CSMD1: variants seen among roughly 807,000 people sequenced by gnomAD.
CSMD1 encodes CUB and sushi domain-containing protein 1.
Under a neutral mutation model 417.5 loss-of-function variants are expected in CSMD1, and 213 were observed. The observed-to-expected ratio is 0.51, with a 90% CI of 0.46 to 0.57. The LOEUF is 0.57. Ranked by LOEUF, CSMD1 falls within the 20% of genes least tolerant of loss-of-function variation. The pLI is 0.00. For missense variants in CSMD1, 6,923 were observed against 4,529.7 expected, an observed-to-expected ratio of 1.53 and a Z score of -15.17; for synonymous variants, 2,862 against 1,736.8, an observed-to-expected ratio of 1.65 and a Z score of -16.11.
At chr8:3,438,119 G>C (rs1237740589) in intron 12 of CSMD1, among the ~76,000 whole-genome samples, 1 of 152,142 alleles carries the variant, frequency 6.6e-6, no homozygotes, top group Non-Finnish European at 1.5e-5. Flanking sequence ...TGAATATTCA[G>C]GTCCATCTGT....
intron 5 of CSMD1, among the ~76,000 whole-genome samples, chr8:3,772,033 G>C (rs966904592): frequency 1.3e-5 from 2 of 151,776 alleles, no homozygotes; most frequent in African/African-American, 2.4e-5. Flanking sequence ...ATCTAAAGAG[G>C]AGCTTCTAGT....
intron 5 of CSMD1, among the ~76,000 whole-genome samples, chr8:3,852,385 G>C (rs1585091924): frequency 6.6e-6 from 1 of 152,142 alleles, no homozygotes; most frequent in East Asian, 1.9e-4. Context: ...TCCCAGCCAA[G>C]TGGATGAGCA....
intron 5 of CSMD1, among the ~76,000 whole-genome samples, chr8:3,925,330 T>C (rs905593924): frequency 6.6e-6 from 1 of 152,240 alleles, no homozygotes; most frequent in Non-Finnish European, 1.5e-5. Flanking sequence ...TGCATTTATA[T>C]ATTATATGCT....
At chr8:4,757,864 C>T (rs10088354) in intron 1 of CSMD1, among the ~76,000 whole-genome samples, 1 of 147,452 alleles carries the variant, frequency 6.8e-6, no homozygotes, top group East Asian at 2.0e-4. Context: ...GAAGCTGAGG[C>T]AGAAGAATCG....
chr8:4,664,366 C>T (rs1001183300), intron 1 of CSMD1, among the ~76,000 whole-genome samples: 2 of 152,050 alleles, frequency 1.3e-5, no homozygotes, highest in Non-Finnish European at 2.9e-5. Context: ...TCTAGACCAG[C>T]CTGGGCAACA....
chr8:4,801,189 C>A (rs1798264437), intron 1 of CSMD1, among the ~76,000 whole-genome samples: 1 of 152,204 alleles, frequency 6.6e-6, no homozygotes. Flanking sequence ...TGCCCTTTTC[C>A]TACTTCTGGT....
intron 3 of CSMD1, among the ~76,000 whole-genome samples, chr8:4,111,128 G>A (rs947011613): frequency 6.6e-6 from 1 of 152,044 alleles, no homozygotes; most frequent in African/African-American, 2.4e-5. Context: ...GTTTTGCTCT[G>A]GTTTGGTTCG....
chr8:4,780,137 T>C lies in CSMD1; in HGVS notation c.86-142579A>G, dbSNP rs115794529. 6.6e-3 allele frequency among the ~76,000 whole-genome samples: 1,011 copies of C among 152,306 alleles called. 9 individuals carry two copies. The highest frequency in any genetic ancestry group is 0.024 in the African/African-American group (980 of 41,568). ...GCAACATTTACTACAGTCACAGACT[T>C]GTGCCATAATTGGCCAGACCTTCAG... On this transcript the variant is annotated intron_variant, in intron 1 of 69. Coordinates refer to ENST00000635120, the MANE Select transcript of CSMD1 (RefSeq NM_033225.6).
At chr8:4,392,835 G>T (rs1803941559) in intron 3 of CSMD1, among the ~76,000 whole-genome samples, 3 of 151,786 alleles carry the variant, frequency 2.0e-5, no homozygotes, top group Admixed American at 6.6e-5. Flanking sequence ...GGGTGTGGTG[G>T]CAGGCACCTG....
intron 5 of CSMD1, among the ~76,000 whole-genome samples, chr8:3,908,077 G>C (rs1808227666): frequency 6.6e-6 from 1 of 152,088 alleles, no homozygotes; most frequent in African/African-American, 2.4e-5. Flanking sequence ...GCAGTCACTG[G>C]AGGTCAAAGC....
chr8:4,716,178 C>T (rs956309284), intron 1 of CSMD1, among the ~76,000 whole-genome samples: 1 of 152,158 alleles, frequency 6.6e-6, no homozygotes, highest in Admixed American at 6.5e-5. Context: ...AGGAATCCCC[C>T]TGAGCAGGCG....
intron 1 of CSMD1, among the ~76,000 whole-genome samples, chr8:4,656,326 G>T (rs576929442): frequency 3.7e-4 from 57 of 152,138 alleles, no homozygotes; most frequent in African/African-American, 1.3e-3. Flanking sequence ...GCAACCTTCA[G>T]GGTAGAGAAG....
At chr8:4,054,788 C>T (rs769298782) in intron 3 of CSMD1, among the ~76,000 whole-genome samples, 8 of 152,014 alleles carry the variant, frequency 5.3e-5, no homozygotes, top group South Asian at 2.1e-4. Flanking sequence ...TTCAAGTGGA[C>T]GAACAACAAT....
At chr8:4,129,622 T>C (rs1417937985) in intron 3 of CSMD1, among the ~76,000 whole-genome samples, 1 of 152,168 alleles carries the variant, frequency 6.6e-6, no homozygotes, top group Admixed American at 6.5e-5. Flanking sequence ...CTGACTTGTT[T>C]CCTCTCTGGA....
chr8:3,287,036 A>C (rs898238407), intron 25 of CSMD1, among the ~76,000 whole-genome samples: 7 of 152,214 alleles, frequency 4.6e-5, no homozygotes, highest in African/African-American at 9.6e-5. Context: ...TCAGCTTTCT[A>C]CATATGGCTA....
At chr8:4,331,358 C>T (rs890700825) in intron 3 of CSMD1, among the ~76,000 whole-genome samples, 2 of 152,108 alleles carry the variant, frequency 1.3e-5, no homozygotes, top group African/African-American at 4.8e-5. Flanking sequence ...CCCCTCAAAG[C>T]TTCCTGTCAC....
intron 10 of CSMD1, among the ~76,000 whole-genome samples, chr8:3,532,913 T>C (rs908387793): frequency 1.3e-5 from 2 of 152,174 alleles, no homozygotes; most frequent in African/African-American, 2.4e-5. Flanking sequence ...TTACTAAATA[T>C]AAACCATGAC....
At chr8:4,580,159 T>A (rs1585280201) in intron 2 of CSMD1, among the ~76,000 whole-genome samples, 1 of 152,220 alleles carries the variant, frequency 6.6e-6, no homozygotes, top group Non-Finnish European at 1.5e-5. Context: ...TACCAGGCAC[T>A]GCTTTCAACT....
intron 1 of CSMD1, among the ~76,000 whole-genome samples, chr8:4,856,749 C>T (rs896815829): frequency 6.7e-6 from 1 of 149,524 alleles, no homozygotes; most frequent in Non-Finnish European, 1.5e-5. Flanking sequence ...AATACAGGAG[C>T]ACCAAGATTC....
Sources: gnomAD v4.1 joint callset for allele counts (sites outside exome capture counted in the v4.1 genomes callset) on GRCh38, gnomAD v4.1.1 for gene constraint, MANE v1.5 for transcripts, NCBI Gene and HGNC (gene_info 2026-07-23, HGNC 2026-07-21) for gene names.